Variants in FAM222B observed in about 807,000 individuals in gnomAD.
The protein encoded by FAM222B is protein FAM222B.
A neutral mutation model predicts 38.0 loss-of-function variants in FAM222B; 12 were observed. The observed-to-expected ratio is 0.32, with a 90% CI of 0.20 to 0.51. The LOEUF is 0.51. FAM222B is among the 20% of genes least tolerant of loss of function. The pLI, the probability that FAM222B is intolerant of heterozygous loss-of-function variation, is 0.97. For synonymous variants in FAM222B, 329 were observed against 317.2 expected (o/e 1.04, Z -0.40); for missense variants, 716 against 754.2 (o/e 0.95, Z 0.59).
At chr17:28,786,067 C>T (rs1467834561) in intron 1 of FAM222B, among the ~76,000 whole-genome samples, 3 of 151,482 alleles carry the variant, frequency 2.0e-5, no homozygotes, top group Non-Finnish European at 2.9e-5. Flanking sequence ...CTCCTCACCT[C>T]GTGATCTATC....
At chr17:28,853,537 C>T (rs1171361335) in intron 1 of FAM222B, among the ~76,000 whole-genome samples, 1 of 152,084 alleles carries the variant, frequency 6.6e-6, no homozygotes, top group Non-Finnish European at 1.5e-5. Context: ...ATCTTAAAGT[C>T]TCTAGATTAC....
chr17:28,780,010 G>A (rs532952133), intron 1 of FAM222B, among the ~76,000 whole-genome samples: 12 of 149,994 alleles, frequency 8.0e-5, no homozygotes, highest in African/African-American at 2.7e-4. Flanking sequence ...TCGCTCTGTC[G>A]CCCAGGCTGG....
At position 28,759,539 on chromosome 17, in the gene FAM222B, T is replaced by C. The variant is rs1414025030; in HGVS notation, c.420A>G (p.Ala140=). ...CCTGGGGGTGGGCTAAAGTGCTGGG[T>C]GCCACAGTAGCATAGGGTGCCACTG... is the stretch of plus-strand genomic sequence containing the variant. The part of the protein sequence containing the change: ...NPPVAPYATV[A]PSTLAHPQAQ... The change falls in exon 3 of 3, where the codon GCA becomes GCG. Residue 140 remains alanine, a synonymous_variant. Coordinates refer to ENST00000581407, the MANE Select transcript of FAM222B (RefSeq NM_001077498.3). This position sits in a 1 kb window ranked among gnomAD's most constrained non-coding sequence, Gnocchi z 4.8. The C allele has an allele frequency of 6.3e-7, 1 of 1,599,152 alleles. No individual in the cohort carries two copies. The highest frequency in any genetic ancestry group is 1.1e-5 in the South Asian group (1 of 88,732).
At chr17:28,798,937 G>C (rs545654696) in intron 1 of FAM222B, among the ~76,000 whole-genome samples, 3 of 149,266 alleles carry the variant, frequency 2.0e-5, no homozygotes, top group African/African-American at 7.4e-5. Context: ...TTAATAAAAA[G>C]CAATTTATCA....
intron 1 of FAM222B, among the ~76,000 whole-genome samples, chr17:28,811,496 GTTTTT>G (rs1008541188): frequency 6.6e-6 from 1 of 152,082 alleles, no homozygotes; most frequent in African/African-American, 2.4e-5. Context: ...CTGGAGGTTT[GTTTTT>G]TTAAGTTTGG....
At chr17:28,764,183 C>A (rs191312252) in intron 2 of FAM222B, among the ~76,000 whole-genome samples, 362 of 148,600 alleles carry the variant, frequency 2.4e-3, no homozygotes, top group Admixed American at 4.9e-3. Context: ...AAGGCAGGAG[C>A]ACTGCTTAAA....
At position 28,842,785 on chromosome 17, in the gene FAM222B, G is replaced by T. The variant is rs540420660; in HGVS notation, c.-144C>A. On this transcript the variant is annotated 5_prime_UTR_variant, in exon 1 of 3. Coordinates refer to ENST00000581407, the MANE Select transcript of FAM222B (RefSeq NM_001077498.3). ...CCCCTCAGTCACCGGCGCAGCTGTG[G>T]GGACTACCCGGAGCCGCTCCTGCGC... The T allele has an allele frequency of 2.0e-5, 3 of 153,074 alleles. No individual in the cohort carries two copies. Among genetic ancestry groups the T allele is most frequent in the South Asian group, 1.9e-4 (1 of 5,276 alleles). The allele number at this position is 153,074 out of a possible 1,614,324, so 9.5% of individuals were successfully genotyped here. A position where few individuals can be genotyped will look rare whatever the true frequency, so the allele number is the denominator to read the frequency against.
upstream of FAM222B, among the ~76,000 whole-genome samples, chr17:28,846,978 C>T (rs1378536007): frequency 1.3e-5 from 2 of 151,980 alleles, no homozygotes; most frequent in African/African-American, 2.4e-5. Context: ...AATCCCAGCA[C>T]TTTGGGAGGC....
intron 1 of FAM222B, among the ~76,000 whole-genome samples, chr17:28,799,639 A>C (rs1401506577): frequency 6.6e-6 from 1 of 151,894 alleles, no homozygotes; most frequent in Non-Finnish European, 1.5e-5. Flanking sequence ...GACAGGGCTC[A>C]CTCTGTCACC....
intron 1 of FAM222B, among the ~76,000 whole-genome samples, chr17:28,790,850 C>T (rs912787772): frequency 4.7e-5 from 6 of 128,018 alleles, no homozygotes; most frequent in Admixed American, 8.4e-5. Context: ...TTCTAGCATA[C>T]TTACAACTGT....
chr17:28,763,340 A>C (rs2035175046), intron 2 of FAM222B, among the ~76,000 whole-genome samples: 2 of 152,258 alleles, frequency 1.3e-5, no homozygotes, highest in South Asian at 4.1e-4. Flanking sequence ...AATAGTTACC[A>C]TTCAAGGATA....
At chr17:28,832,169 A>C (rs1032856009) in intron 1 of FAM222B, among the ~76,000 whole-genome samples, 32 of 152,090 alleles carry the variant, frequency 2.1e-4, no homozygotes, top group Admixed American at 2.6e-4. Flanking sequence ...CAGCCTGGGC[A>C]ACACAGCAAG....
chr17:28,807,323 A>G (rs953405124), intron 1 of FAM222B, among the ~76,000 whole-genome samples: 3 of 151,516 alleles, frequency 2.0e-5, no homozygotes, highest in Admixed American at 2.0e-4. Context: ...GCAAATATTT[A>G]TCTTAATACT....
At chr17:28,832,443 G>A (rs2038700391) in intron 1 of FAM222B, among the ~76,000 whole-genome samples, 1 of 152,170 alleles carries the variant, frequency 6.6e-6, no homozygotes, top group Non-Finnish European at 1.5e-5. Context: ...AAAATGTTAA[G>A]CTTCTTGCAC....
At chr17:28,853,906 C>G (rs1253617323) in intron 1 of FAM222B, among the ~76,000 whole-genome samples, 1 of 151,660 alleles carries the variant, frequency 6.6e-6, no homozygotes, top group East Asian at 1.9e-4. Context: ...ACCTTCCTTC[C>G]TCAACACCCC....
At chr17:28,797,147 C>T (rs868328341) in intron 1 of FAM222B, among the ~76,000 whole-genome samples, 25 of 151,780 alleles carry the variant, frequency 1.6e-4, no homozygotes, top group African/African-American at 5.1e-4. Flanking sequence ...GGATTACAGA[C>T]GTAAGTCACC....
rs184608986 is a variant in FAM222B, at chr17:28,759,600, C to T, written c.359G>A (p.Arg120Gln). Residue 120 changes from arginine to glutamine, a missense_variant, in exon 3 of 3, where the codon CGA (arginine) becomes CAA (glutamine). By Grantham distance (43) the Arg-to-Gln change is conservative. Coordinates refer to ENST00000581407, the MANE Select transcript of FAM222B (RefSeq NM_001077498.3). This position sits in a 1 kb window ranked among gnomAD's most constrained non-coding sequence, Gnocchi z 4.8. The stretch of plus-strand genomic sequence containing the variant: ...GATGGCCTCAGGGAGCAACCGGGCT[C>T]GGGTGCCGTCAAAGTCCTTGAGTAT... ...KSILKDFDGT[R>Q]ARLLPEAIMN... 8.7e-6 allele frequency: 14 copies of T among 1,612,434 alleles called. No homozygotes were observed. Among genetic ancestry groups the T allele is most frequent in the East Asian group, 4.5e-5 (2 of 44,836 alleles).
chr17:28,840,360 T>C (rs1187978858), intron 1 of FAM222B, among the ~76,000 whole-genome samples: 1 of 151,740 alleles, frequency 6.6e-6, no homozygotes, highest in East Asian at 1.9e-4. Flanking sequence ...AACAAGACTC[T>C]GTGTCAAAAC....
chr17:28,823,640 A>C (rs967667178), intron 1 of FAM222B, among the ~76,000 whole-genome samples: 4 of 152,110 alleles, frequency 2.6e-5, no homozygotes, highest in Non-Finnish European at 5.9e-5. Context: ...CTTCTAAAAC[A>C]TCACTTTCTG....
Sources: gnomAD v4.1 joint callset for allele counts (sites outside exome capture counted in the v4.1 genomes callset) on GRCh38, gnomAD v4.1.1 for gene constraint, Gnocchi (gnomAD v3.1) non-coding constraint, MANE v1.5 for transcripts, NCBI Gene and HGNC (gene_info 2026-07-23, HGNC 2026-07-21) for gene names.